Variants in B3GLCT observed in about 807,000 individuals in gnomAD.
B3GLCT encodes beta 3-glucosyltransferase.
A neutral mutation model predicts 63.4 loss-of-function variants in B3GLCT; 65 were observed. The ratio of observed to expected loss-of-function variants is 1.03; its 90% CI spans 0.84 to 1.26. The LOEUF (loss-of-function observed/expected upper bound fraction) is 1.26, where lower values mean the gene tolerates loss of function less well. Ranked by LOEUF, B3GLCT falls within the 50% of genes most tolerant of loss-of-function variation. B3GLCT has a pLI of 0.00. For synonymous variants in B3GLCT, 233 were observed against 219.2 expected, an observed-to-expected ratio of 1.06 and a Z score of -0.55; for missense variants, 577 against 604.8, an observed-to-expected ratio of 0.95 and a Z score of 0.48.
chr13:31,248,115 TAAGTAATGCTCTTTG>T, intron 6 of B3GLCT, 149 bp downstream of exon 6: 1 of 607,782 alleles, frequency 1.6e-6, no homozygotes. Context: ...TGAGATATGT[TAAGTAATGCTCTTTG>T]AAGTTTGTAG....
At chr13:31,212,277 T>G (rs1869305086) in intron 1 of B3GLCT, among the ~76,000 whole-genome samples, 1 of 147,244 alleles carries the variant, frequency 6.8e-6, no homozygotes, top group Non-Finnish European at 1.5e-5. Flanking sequence ...CTTTTTTTTT[T>G]TTTTTTTTTT....
intron 1 of B3GLCT, among the ~76,000 whole-genome samples, chr13:31,202,003 C>G (rs1868695088): frequency 1.3e-5 from 2 of 152,138 alleles, no homozygotes; most frequent in Admixed American, 1.3e-4. Context: ...TCATGAATAC[C>G]TTTTATGGAG....
At position 31,247,848 on chromosome 13, in the gene B3GLCT, TG is replaced by T. The variant is rs768816639; in HGVS notation, c.348-5del. On this transcript the variant is annotated splice_polypyrimidine_tract_variant and splice_region_variant and intron_variant, in intron 5 of 14. Coordinates refer to ENST00000343307, the MANE Select transcript of B3GLCT (RefSeq NM_194318.4). ...AGTGATTACTGAAACTTGTTTCTTT[TG>T]GTCAGTTTTTCTGTAACATATAGCA... The T allele has an allele frequency of 1.4e-5, 20 of 1,441,344 alleles. No homozygotes were observed. In the African/African-American group the frequency reaches 1.8e-4, roughly 13 times the overall value. 89.3% of individuals were successfully genotyped at this position (1,441,344 alleles called of 1,614,324 possible). A position where few individuals can be genotyped will look rare whatever the true frequency, so the allele number is the denominator to read the frequency against.
chr13:31,310,583 A>C (rs1593313275), intron 12 of B3GLCT, among the ~76,000 whole-genome samples: 1 of 152,126 alleles, frequency 6.6e-6, no homozygotes, highest in East Asian at 1.9e-4. Flanking sequence ...ACATTATGGG[A>C]ACTGGCAGCG....
Position 31,215,117 on chromosome 13 carries a change from TC to T in B3GLCT, c.120+18del. 2 of 1,607,126 alleles carry T rather than the reference TC, an allele frequency of 1.2e-6. No homozygotes were observed. The highest frequency in any genetic ancestry group is 2.2e-5 in the South Asian group (2 of 90,638). On this transcript the variant is annotated intron_variant, in intron 2 of 14. Transcript: ENST00000343307. The stretch of plus-strand genomic sequence containing the variant: ...CAGTCTCAGGTACTAATCCCAATGA[TC>T]AAATCTTTTCCTCCCTTCTAAGATT...
At chr13:31,248,442 G>A (rs1009163482) in intron 6 of B3GLCT, among the ~76,000 whole-genome samples, 3 of 152,200 alleles carry the variant, frequency 2.0e-5, no homozygotes, top group Non-Finnish European at 4.4e-5. Flanking sequence ...CAGACCATTA[G>A]AGAAGCAGTT....
At chr13:31,313,060 G>C (rs1275243271) in intron 12 of B3GLCT, 1 of 152,202 alleles carries the variant, frequency 6.6e-6, no homozygotes, top group Non-Finnish European at 1.5e-5. Context: ...ACCAACACTT[G>C]TCACTGGTCA....
At chr13:31,251,336 G>T (rs754384238) in intron 6 of B3GLCT, among the ~76,000 whole-genome samples, 4 of 152,148 alleles carry the variant, frequency 2.6e-5, no homozygotes, top group Non-Finnish European at 4.4e-5. Flanking sequence ...CTCCTCACCA[G>T]CAAGGGAACA....
At chr13:31,206,958 G>A (rs576422280) in intron 1 of B3GLCT, among the ~76,000 whole-genome samples, 5 of 152,320 alleles carry the variant, frequency 3.3e-5, no homozygotes, top group South Asian at 2.1e-4. Context: ...ACCATAGTCC[G>A]TGGAGCATGA....
rs758136161 is a variant in B3GLCT at position 31,247,086 on chromosome 13, C to G, written c.334C>G (p.Pro112Ala). ...AKQEGAWTIL[P>A]LLPHFSVTYS... ...ACAAGAAGGTGCATGGACCATACTT[C>G]CGTTGTTACCGCAGTACGTTTGTTT... The change falls in exon 5 of 15, where the codon CCG (proline) becomes GCG (alanine). Residue 112 changes from proline to alanine, a missense_variant. Coordinates refer to ENST00000343307, the MANE Select transcript of B3GLCT (RefSeq NM_194318.4). 3.7e-6 allele frequency: 6 copies of G among 1,613,038 alleles called. No homozygotes were observed. In the East Asian group the frequency reaches 1.3e-4, roughly 36 times the overall value.
intron 2 of B3GLCT, among the ~76,000 whole-genome samples, chr13:31,221,620 T>C (rs1211600172): frequency 2.6e-5 from 4 of 152,256 alleles, no homozygotes; most frequent in Non-Finnish European, 4.4e-5. Context: ...TTTCAGAATA[T>C]GCCACTAAAG....
chr13:31,243,230 A>G (rs957009449), intron 4 of B3GLCT, among the ~76,000 whole-genome samples: 8 of 152,232 alleles, frequency 5.3e-5, no homozygotes, highest in African/African-American at 1.9e-4. Flanking sequence ...CTAGTTTAGC[A>G]TGTAGTCTGA....
At chr13:31,326,608 CCT>C (rs1875639875) in intron 14 of B3GLCT, among the ~76,000 whole-genome samples, 1 of 151,918 alleles carries the variant, frequency 6.6e-6, no homozygotes, top group South Asian at 2.1e-4. Context: ...AGTTTCAGCC[CCT>C]CTCTCTTCCT....
At chr13:31,321,470 T>C (rs1230172116) in intron 13 of B3GLCT, among the ~76,000 whole-genome samples, 2 of 152,234 alleles carry the variant, frequency 1.3e-5, no homozygotes. Flanking sequence ...ATGGAAAATA[T>C]CAGAGTGCAT....
At chr13:31,225,284 T>C (rs1870040584) in intron 3 of B3GLCT, among the ~76,000 whole-genome samples, 1 of 152,160 alleles carries the variant, frequency 6.6e-6, no homozygotes, top group Non-Finnish European at 1.5e-5. Flanking sequence ...AAGGAAATCA[T>C]GGAATTGTCT....
chr13:31,306,589 A>G, intron 12 of B3GLCT, among the ~76,000 whole-genome samples: 1 of 100,248 alleles, frequency 1.0e-5, no homozygotes, highest in Non-Finnish European at 2.0e-5. Flanking sequence ...AATTACTTCA[A>G]AGAGAATAAA....
At chr13:31,262,017 G>C (rs1593281463) in intron 7 of B3GLCT, among the ~76,000 whole-genome samples, 1 of 152,328 alleles carries the variant, frequency 6.6e-6, no homozygotes, top group East Asian at 1.9e-4. Context: ...TCAGGTAGAT[G>C]TGTTATGTAC....
intron 1 of B3GLCT, among the ~76,000 whole-genome samples, chr13:31,201,733 T>G (rs1469120047): frequency 5.3e-5 from 8 of 152,340 alleles, no homozygotes; most frequent in Non-Finnish European, 1.0e-4. Flanking sequence ...CACATTTGTA[T>G]TGCTGTGTCT....
intron 1 of B3GLCT, among the ~76,000 whole-genome samples, chr13:31,201,351 G>A (rs1268829307): frequency 1.3e-5 from 2 of 152,232 alleles, no homozygotes; most frequent in Non-Finnish European, 2.9e-5. Context: ...TGTGGGAAAA[G>A]AGCAAGATTA....
Sources: allele counts gnomAD v4.1 joint callset (sites outside exome capture counted in the v4.1 genomes callset), GRCh38; gene constraint gnomAD v4.1.1; transcripts MANE v1.5; gene names NCBI Gene and HGNC (gene_info 2026-07-23, HGNC 2026-07-21).